ADGRL3: variants seen among roughly 807,000 people sequenced by gnomAD.
The protein encoded by ADGRL3 is adhesion G protein-coupled receptor L3.
A neutral mutation model predicts 153.5 loss-of-function variants in ADGRL3; 62 were observed. The ratio of observed to expected loss-of-function variants is 0.40; its 90% CI spans 0.33 to 0.50. ADGRL3 has a LOEUF of 0.50. Among genes scored for constraint, ADGRL3 ranks in the 20% least tolerant of loss-of-function variants. ADGRL3 has a pLI of 0.47. For synonymous variants in ADGRL3, 710 were observed against 672.5 expected (o/e 1.06, Z -0.86); for missense variants, 1,641 against 1,859.4 (o/e 0.88, Z 2.16).
At chr4:61,323,794 T>C (rs541792812) in intron 1 of ADGRL3, among the ~76,000 whole-genome samples, 1 of 152,302 alleles carries the variant, frequency 6.6e-6, no homozygotes, top group Admixed American at 6.5e-5. Context: ...TCCAAACTGT[T>C]CCAGTCTCTG....
intron 1 of ADGRL3, among the ~76,000 whole-genome samples, chr4:61,247,338 T>C (rs1473731417): frequency 1.3e-5 from 2 of 152,086 alleles, no homozygotes; most frequent in Non-Finnish European, 2.9e-5. Context: ...TGTTCTCCTA[T>C]AGACAGACCA....
chr4:61,752,850 C>T (rs1286830135), intron 8 of ADGRL3, among the ~76,000 whole-genome samples: 1 of 152,116 alleles, frequency 6.6e-6, no homozygotes, highest in African/African-American at 2.4e-5. Context: ...GGGAGGATCA[C>T]GTGAGCCTGG....
intron 1 of ADGRL3, among the ~76,000 whole-genome samples, chr4:61,253,850 A>T (rs2149473670): frequency 6.6e-6 from 1 of 152,294 alleles, no homozygotes; most frequent in East Asian, 1.9e-4. Flanking sequence ...TTTTGCATAT[A>T]AGTTAGTAAA....
intron 4 of ADGRL3, among the ~76,000 whole-genome samples, chr4:61,533,013 G>A (rs2098633084): frequency 6.6e-6 from 1 of 152,070 alleles, no homozygotes; most frequent in South Asian, 2.1e-4. Context: ...TACTTCCCAG[G>A]ACAAGGTGTA....
intron 8 of ADGRL3, among the ~76,000 whole-genome samples, chr4:61,734,088 T>C (rs1350067917): frequency 6.6e-6 from 1 of 152,208 alleles, no homozygotes; most frequent in African/African-American, 2.4e-5. Flanking sequence ...GAGAAAAATG[T>C]TCATAACTGA....
intron 1 of ADGRL3, among the ~76,000 whole-genome samples, chr4:61,231,243 T>C (rs548973990): frequency 6.6e-6 from 1 of 152,196 alleles, no homozygotes; most frequent in Non-Finnish European, 1.5e-5. Context: ...CGAATTTTTA[T>C]TTTTTTGGAT....
intron 3 of ADGRL3, among the ~76,000 whole-genome samples, chr4:61,497,924 G>A (rs990616876): frequency 1.6e-4 from 24 of 152,010 alleles, no homozygotes; most frequent in Non-Finnish European, 7.4e-5. Context: ...TTTAAAAAGA[G>A]CTCTTGCATT....
At chr4:62,011,518 T>C (rs1305346910) in intron 21 of ADGRL3, among the ~76,000 whole-genome samples, 1 of 152,062 alleles carries the variant, frequency 6.6e-6, no homozygotes, top group Non-Finnish European at 1.5e-5. Flanking sequence ...TATGATCTAC[T>C]TCAGAGAGAA....
chr4:61,869,563 A>G (rs997544309), intron 9 of ADGRL3, among the ~76,000 whole-genome samples: 12 of 151,942 alleles, frequency 7.9e-5, no homozygotes, highest in African/African-American at 2.7e-4. Flanking sequence ...GCGCCACTGC[A>G]GTCCGCAGTC....
intron 5 of ADGRL3, among the ~76,000 whole-genome samples, chr4:61,614,979 A>T (rs1036507106): frequency 6.6e-6 from 1 of 152,292 alleles, no homozygotes; most frequent in African/African-American, 2.4e-5. Context: ...TAGGAATGAT[A>T]TGGAGGAAGA....
chr4:61,509,334 G>T (rs112397274), intron 3 of ADGRL3, among the ~76,000 whole-genome samples: 1 of 151,920 alleles, frequency 6.6e-6, no homozygotes, highest in Non-Finnish European at 1.5e-5. Context: ...TGCCATGTTG[G>T]CCAGGCTGGT....
chr4:61,277,582 A>C (rs1157047121), intron 1 of ADGRL3, among the ~76,000 whole-genome samples: 2 of 152,136 alleles, frequency 1.3e-5, no homozygotes, highest in African/African-American at 2.4e-5. Flanking sequence ...ATCCAAAATC[A>C]CAGGGATATA....
At chr4:61,392,805 G>T (rs2096828885) in intron 2 of ADGRL3, among the ~76,000 whole-genome samples, 1 of 147,898 alleles carries the variant, frequency 6.8e-6, no homozygotes, top group African/African-American at 2.5e-5. Flanking sequence ...AAACCTCTCA[G>T]ATTAAATACA....
chr4:61,243,973 T>C (rs1238852293), intron 1 of ADGRL3, among the ~76,000 whole-genome samples: 2 of 152,056 alleles, frequency 1.3e-5, no homozygotes, highest in Non-Finnish European at 2.9e-5. Context: ...AACGTTTCTA[T>C]AGTGATGGTT....
At chr4:61,978,801 C>T (rs1581721264) in intron 17 of ADGRL3, among the ~76,000 whole-genome samples, 1 of 152,136 alleles carries the variant, frequency 6.6e-6, no homozygotes, top group Non-Finnish European at 1.5e-5. Context: ...CTTAGCTCTA[C>T]TGTCTTCTAT....
chr4:61,443,496 A>G (rs184316893), intron 2 of ADGRL3, among the ~76,000 whole-genome samples: 180 of 152,310 alleles, frequency 1.2e-3, no homozygotes, highest in Non-Finnish European at 2.1e-3. Context: ...TTATCTAAAA[A>G]GAACCCATAA....
intron 1 of ADGRL3, among the ~76,000 whole-genome samples, chr4:61,259,389 C>T (rs891373826): frequency 9.2e-5 from 14 of 151,682 alleles, no homozygotes; most frequent in Non-Finnish European, 1.8e-4. Context: ...CGCCACTGCA[C>T]TCCAGCCTGG....
chr4:61,224,632 G>A (rs765573276), intron 1 of ADGRL3, among the ~76,000 whole-genome samples: 26 of 152,150 alleles, frequency 1.7e-4, no homozygotes, highest in Non-Finnish European at 2.9e-4. Flanking sequence ...GTCACTTAGA[G>A]GTGCAGACAT....
At chr4:62,065,967 T>G (rs1742776816) in intron 25 of ADGRL3, among the ~76,000 whole-genome samples, 1 of 152,016 alleles carries the variant, frequency 6.6e-6, no homozygotes, top group Admixed American at 6.6e-5. Context: ...TCTGAATGTA[T>G]TTGTCTTTTA....
Sources: allele counts gnomAD v4.1 joint callset (sites outside exome capture counted in the v4.1 genomes callset), GRCh38; gene constraint gnomAD v4.1.1; transcripts MANE v1.5; gene names NCBI Gene and HGNC (gene_info 2026-07-23, HGNC 2026-07-21).